NIBAN1: variants seen among roughly 807,000 people sequenced by gnomAD.
The protein encoded by NIBAN1 is protein Niban 1.
NIBAN1 carries 81 observed loss-of-function variants against 75.1 expected under a neutral mutation model. The ratio of observed to expected loss-of-function variants is 1.08; its 90% CI spans 0.90 to 1.30. The LOEUF (loss-of-function observed/expected upper bound fraction) is 1.30, where lower values mean the gene tolerates loss of function less well. Ranked by LOEUF, NIBAN1 falls within the 50% of genes most tolerant of loss-of-function variation. The probability of loss-of-function intolerance (pLI) is 0.00; values close to 1 mark genes in which losing one functional copy is unlikely to be tolerated. For missense variants in NIBAN1, 1,133 were observed against 1,128.1 expected (o/e 1.00, Z -0.06); for synonymous variants, 436 against 424.8 (o/e 1.03, Z -0.32).
Position 184,974,343 on chromosome 1 carries a change from G to T in NIBAN1, c.14C>A (p.Ala5Asp). The change falls in exon 1 of 14, where the codon GCC (alanine) becomes GAC (aspartate). Residue 5 changes from alanine to aspartate, a missense_variant. Ala to Asp is a moderately radical substitution (Grantham distance 126, BLOSUM62 -2). Coordinates refer to ENST00000367511, the MANE Select transcript of NIBAN1 (RefSeq NM_052966.4). The stretch of plus-strand genomic sequence containing the variant: ...CTTGCCCTCGTCCAGCTGGCTGGAG[G>T]CTGAGCCGCCCATGACCGCGAGCTG... MGGS[A>D]SSQLDEGKCA... 6.4e-7 allele frequency: 1 copy of T among 1,563,670 alleles called. No individual in the cohort carries two copies. Among genetic ancestry groups the T allele is most frequent in the Non-Finnish European group, 8.6e-7 (1 of 1,161,742 alleles).
chr1:184,825,457 T>C (rs1178051327), intron 6 of NIBAN1, among the ~76,000 whole-genome samples: 2 of 135,980 alleles, frequency 1.5e-5, no homozygotes, highest in African/African-American at 5.3e-5. Context: ...ATAACCAATA[T>C]TTTGGAACAA....
intron 5 of NIBAN1, among the ~76,000 whole-genome samples, chr1:184,859,203 A>AAT (rs971176668): frequency 5.3e-5 from 8 of 151,908 alleles, no homozygotes; most frequent in African/African-American, 1.4e-4. Flanking sequence ...TAAATAAATA[A>AAT]ATATATATAT....
chr1:184,876,675 A>G (rs1218535609), intron 5 of NIBAN1, among the ~76,000 whole-genome samples: 1 of 151,918 alleles, frequency 6.6e-6, no homozygotes, highest in East Asian at 1.9e-4. Flanking sequence ...CACTCCAGCC[A>G]AGACTCCATC....
intron 5 of NIBAN1, among the ~76,000 whole-genome samples, chr1:184,866,055 T>TAA (rs559371424): frequency 6.6e-6 from 1 of 151,128 alleles, no homozygotes; most frequent in Admixed American, 6.6e-5. Flanking sequence ...TTTATTCAGT[T>TAA]AAAAAAAAAT....
chr1:184,894,947 T>C (rs770732701), intron 2 of NIBAN1, among the ~76,000 whole-genome samples: 5 of 152,228 alleles, frequency 3.3e-5, no homozygotes, highest in African/African-American at 1.2e-4. Context: ...AATTTTCATA[T>C]TATTTCAAAA....
At chr1:184,931,311 C>T (rs1157901168) in intron 1 of NIBAN1, among the ~76,000 whole-genome samples, 1 of 152,052 alleles carries the variant, frequency 6.6e-6, no homozygotes, top group African/African-American at 2.4e-5. Context: ...TCATTTTAAC[C>T]TCTCTATATT....
intron 1 of NIBAN1, among the ~76,000 whole-genome samples, chr1:184,911,064 C>CACACACAA (rs763181155): frequency 1.2e-4 from 18 of 146,472 alleles, no homozygotes; most frequent in African/African-American, 4.3e-4. Flanking sequence ...ATAACAAATA[C>CACACACAA]ACACACACAC....
intron 5 of NIBAN1, among the ~76,000 whole-genome samples, chr1:184,851,822 T>C (rs1410987866): frequency 2.7e-5 from 4 of 148,600 alleles, no homozygotes; most frequent in Admixed American, 6.8e-5. Flanking sequence ...CTTAGGAATA[T>C]ACAGGCTGAT....
In NIBAN1 at chr1:184,791,082, A is replaced by T. The variant is rs200718725; in HGVS notation, c.*3895T>A. ...TATAGGCACCTGGCAGAGTAAATAC[A>T]TGGTTACAAAGTGTTTTAAGTTTAT... On this transcript the variant is annotated 3_prime_UTR_variant, in exon 14 of 14. Coordinates refer to ENST00000367511, the MANE Select transcript of NIBAN1 (RefSeq NM_052966.4). The T allele has an allele frequency of 2.1e-6, 1 of 470,944 alleles. No homozygotes were observed. The highest frequency in any genetic ancestry group is 4.4e-6 in the Non-Finnish European group (1 of 227,002). The allele number at this position is 470,944 out of a possible 1,614,324, so 29.2% of individuals were successfully genotyped here. A position where few individuals can be genotyped will look rare whatever the true frequency, so the allele number is the denominator to read the frequency against.
At chr1:184,884,846 T>C (rs1377170641) in intron 4 of NIBAN1, 46 bp from the exon 5 acceptor site, 1 of 1,595,490 alleles carries the variant, frequency 6.3e-7, no homozygotes, top group Non-Finnish European at 8.6e-7. Flanking sequence ...ACATGTATCT[T>C]TTATTTCAAA....
At chr1:184,841,042 A>G (rs1655273565) in intron 5 of NIBAN1, among the ~76,000 whole-genome samples, 1 of 151,996 alleles carries the variant, frequency 6.6e-6, no homozygotes. Context: ...TTAGGCTCTG[A>G]GGATACAAAG....
At chr1:184,898,739 T>C (rs1240380734) in intron 2 of NIBAN1, among the ~76,000 whole-genome samples, 1 of 152,250 alleles carries the variant, frequency 6.6e-6, no homozygotes, top group Admixed American at 6.5e-5. Flanking sequence ...GGCAGAGAAC[T>C]TGTCTTAATT....
chr1:184,963,483 A>G (rs1658703027), intron 1 of NIBAN1, among the ~76,000 whole-genome samples: 1 of 152,166 alleles, frequency 6.6e-6, no homozygotes, highest in African/African-American at 2.4e-5. Flanking sequence ...AAACTGTCAA[A>G]TTTGCAGATA....
Position 184,806,035 on chromosome 1 carries a change from T to C in NIBAN1, c.1357A>G (p.Thr453Ala), listed in dbSNP as rs764411941. Residue 453 changes from threonine (T) to alanine (A), a missense_variant, in exon 11 of 14, where the codon ACT (threonine) becomes GCT (alanine). Transcript: ENST00000367511. ...MQELMENAVF[T>A]FEQLLSPHLQ... ...TGTGGGGAAAGCAACTGCTCAAAAGTGAACACTGCATTCTCCATTAGCTAG... is the reference window on the plus strand; with the variant it reads ...TGTGGGGAAAGCAACTGCTCAAAAGCGAACACTGCATTCTCCATTAGCTAG... The C allele has an allele frequency of 3.1e-6, 5 of 1,613,918 alleles. No individual in the cohort carries two copies. In the African/African-American group the frequency reaches 5.3e-5, roughly 17 times the overall value.
chr1:184,919,600 A>G (rs1657476504), intron 1 of NIBAN1, among the ~76,000 whole-genome samples: 1 of 152,172 alleles, frequency 6.6e-6, no homozygotes, highest in African/African-American at 2.4e-5. Flanking sequence ...TTAAAAAAAG[A>G]GACCATTAAG....
chr1:184,835,875 A>G (rs1211455781), intron 5 of NIBAN1, among the ~76,000 whole-genome samples: 1 of 152,188 alleles, frequency 6.6e-6, no homozygotes, highest in African/African-American at 2.4e-5. Context: ...AACTTCCAAC[A>G]CTATGTTGAA....
At chr1:184,823,051 C>T (rs1259467256) in intron 8 of NIBAN1, 116 bp downstream of exon 8, 6 of 1,262,302 alleles carry the variant, frequency 4.8e-6, no homozygotes, top group Non-Finnish European at 6.6e-6. Flanking sequence ...CTGTGATCAC[C>T]TCCTCCCAAT....
chr1:184,972,779 T>A (rs1359880725), intron 1 of NIBAN1, among the ~76,000 whole-genome samples: 2 of 152,264 alleles, frequency 1.3e-5, no homozygotes, highest in Non-Finnish European at 2.9e-5. Flanking sequence ...CTGAGTACAA[T>A]GTTTGCATCA....
At chr1:184,961,201 T>C (rs1658633192) in intron 1 of NIBAN1, among the ~76,000 whole-genome samples, 1 of 151,174 alleles carries the variant, frequency 6.6e-6, no homozygotes, top group Non-Finnish European at 1.5e-5. Context: ...CCTGAGTAGC[T>C]GGGACTACAG....
Sources: allele counts gnomAD v4.1 joint callset (sites outside exome capture counted in the v4.1 genomes callset), GRCh38; gene constraint gnomAD v4.1.1; transcripts MANE v1.5; gene names NCBI Gene and HGNC (gene_info 2026-07-23, HGNC 2026-07-21).